USP39: variants seen among roughly 807,000 people sequenced by gnomAD.
The protein encoded by USP39 is ubiquitin specific peptidase 39.
Under a neutral mutation model 66.4 loss-of-function variants are expected in USP39, and 38 were observed. The observed-to-expected ratio is 0.57, with a 90% CI of 0.44 to 0.75. The LOEUF is 0.75. Among genes scored for constraint, USP39 ranks in the 30% least tolerant of loss-of-function variants. The pLI is 0.00. For missense variants in USP39, 608 were observed against 714.4 expected (o/e 0.85, Z 1.70); for synonymous variants, 303 against 274.6 (o/e 1.10, Z -1.02).
At chr2:85,621,624 C>CT (rs35865728) in intron 3 of USP39, 45 bp downstream of exon 3, 11,872 of 1,097,384 alleles carry the variant, frequency 0.011, no homozygotes, top group Non-Finnish European at 0.013. Context: ...TCCAGAGGGA[C>CT]TTTTTTTTTT....
chr2:85,603,973 T>A (rs1673115783), intron 1 of USP39, among the ~76,000 whole-genome samples: 1 of 152,138 alleles, frequency 6.6e-6, no homozygotes, highest in African/African-American at 2.4e-5. Flanking sequence ...TCAAAGGCGG[T>A]CCCAGCATCT....
intron 5 of USP39, among the ~76,000 whole-genome samples, chr2:85,629,718 A>C (rs1294671690): frequency 6.7e-6 from 1 of 148,188 alleles, no homozygotes; most frequent in Non-Finnish European, 1.5e-5. Context: ...GCTGGTCTTG[A>C]ACTCCTGACC....
chr2:85,609,536 T>G (rs778385123), upstream of USP39: 1 of 1,614,196 alleles, frequency 6.2e-7, no homozygotes, highest in East Asian at 2.2e-5. Context: ...CCACTACTGC[T>G]GCTTTCACCG....
chr2:85,611,943 C>A, upstream of USP39: 2 of 1,581,730 alleles, frequency 1.3e-6, no homozygotes, highest in Non-Finnish European at 1.7e-6. Context: ...GCCCCCCAGG[C>A]TTGCAGCAGT....
At chr2:85,618,112 G>C (rs1674138916) in intron 1 of USP39, among the ~76,000 whole-genome samples, 2 of 151,994 alleles carry the variant, frequency 1.3e-5, no homozygotes. Flanking sequence ...ATGCCACCAT[G>C]CCCGGCTAAT....
chr2:85,603,143 G>C (rs1260768980), intron 1 of USP39: 2 of 152,344 alleles, frequency 1.3e-5, no homozygotes, highest in South Asian at 2.1e-4. Flanking sequence ...CCAGGGCTGC[G>C]GTGGGTCCAG....
At chr2:85,647,788 T>G (rs1676760628) in intron 11 of USP39, 142 bp from the exon 12 acceptor site, 1 of 637,258 alleles carries the variant, frequency 1.6e-6, no homozygotes, top group African/African-American at 1.8e-5. Flanking sequence ...GAAGAAGTCA[T>G]GTACCCTCTT....
chr2:85,641,810 A>G (rs1676248205), intron 10 of USP39, among the ~76,000 whole-genome samples: 1 of 150,858 alleles, frequency 6.6e-6, no homozygotes, highest in African/African-American at 2.4e-5. Context: ...GGGCTGAGGC[A>G]GGAGGATGGC....
intron 3 of USP39, among the ~76,000 whole-genome samples, chr2:85,622,040 G>A (rs1485052353): frequency 5.3e-5 from 8 of 151,916 alleles, no homozygotes; most frequent in Admixed American, 6.6e-5. Flanking sequence ...GGTTGGTCTT[G>A]AACTCCTGGC....
chr2:85,611,234 T>G (rs1673499524), upstream of USP39: 1 of 1,325,292 alleles, frequency 7.5e-7, no homozygotes, highest in South Asian at 1.8e-5. Context: ...TTAAAAAAAG[T>G]AATAATGCTT....
At chr2:85,634,767 T>A (rs534674128) in intron 6 of USP39, among the ~76,000 whole-genome samples, 9 of 152,282 alleles carry the variant, frequency 5.9e-5, no homozygotes, top group African/African-American at 1.9e-4. Flanking sequence ...GAAATTTGTG[T>A]TGAGAATGAT....
intron 1 of USP39, among the ~76,000 whole-genome samples, chr2:85,618,137 G>T (rs1206517772): frequency 1.3e-5 from 2 of 151,970 alleles, no homozygotes; most frequent in Non-Finnish European, 1.5e-5. Context: ...GTATTTTTTA[G>T]TAGAGATGGG....
Position 85,625,544 on chromosome 2 carries a change from G to T in USP39, c.576G>T (p.Val192=), listed in dbSNP as rs2304564. 6.2e-7 allele frequency: 1 copy of T among 1,613,784 alleles called. No individual in the cohort carries two copies. Among genetic ancestry groups the T allele is most frequent in the Non-Finnish European group, 8.5e-7 (1 of 1,179,820 alleles). The stretch of plus-strand genomic sequence containing the variant: ...CATTTTCTTTTGCTTTGCAGTATGT[G>T]TTGAAGCCCACTTTCACAAAGCAGC... ...IDSSLEDITY[V]LKPTFTKQQI... is the part of the protein sequence containing the mutation. Residue 192 remains valine (V), a synonymous_variant, in exon 5 of 13, where the codon GTG becomes GTT. Coordinates refer to ENST00000323701, the MANE Select transcript of USP39 (RefSeq NM_006590.4).
rs184362302 is a variant in USP39, at chr2:85,648,087, G to A, written c.1650+71G>A. 10 of 1,526,716 alleles carry A rather than the reference G, an allele frequency of 6.6e-6. No individual in the cohort carries two copies. The East Asian group carries it at 2.0e-4, about 31-fold the overall frequency. The allele number at this position is 1,526,716 out of a possible 1,614,324, so 94.6% of individuals were successfully genotyped here. On this transcript the variant is annotated intron_variant, in intron 12 of 12. Transcript: ENST00000323701. ...GGGCCAGTGAGAGGAGTGGGCCAAGGCAGGAAGAGGGATAGAGTTAGGACC... is the reference window on the plus strand; with the variant it reads ...GGGCCAGTGAGAGGAGTGGGCCAAGACAGGAAGAGGGATAGAGTTAGGACC...
At position 85,616,457 on chromosome 2, in the gene USP39, G is replaced by T; in HGVS notation, c.262G>T (p.Val88Leu). 14 of 1,545,072 alleles carry T rather than the reference G, an allele frequency of 9.1e-6. No homozygotes were observed. The highest frequency in any genetic ancestry group is 1.4e-5 in the African/African-American group (1 of 71,750). Residue 88 changes from valine (V) to leucine (L), a missense_variant, in exon 1 of 13, where the codon GTG becomes TTG. By Grantham distance (32) the Val-to-Leu change is conservative (BLOSUM62 1). Transcript: ENST00000323701. The stretch of plus-strand genomic sequence containing the variant: ...TGAGGACTCGGAGCCTGAGCGGGAG[G>T]TGCGAGGTGCGCGGGGCCGGGCCGG... Reference protein sequence around the residue: ...VDEDSEPEREVRAKNGRVDSE... With the variant: ...VDEDSEPERELRAKNGRVDSE...
intron 2 of USP39, among the ~76,000 whole-genome samples, chr2:85,620,346 G>T (rs1043943719): frequency 6.6e-6 from 1 of 151,860 alleles, no homozygotes. Flanking sequence ...AGGTGTGGTG[G>T]TGCACTCCTG....
At chr2:85,623,042 A>C (rs897072975) in intron 3 of USP39, among the ~76,000 whole-genome samples, 1 of 152,196 alleles carries the variant, frequency 6.6e-6, no homozygotes, top group African/African-American at 2.4e-5. Flanking sequence ...GCAAAAATCA[A>C]TGTTAGCTGG....
intron 11 of USP39, among the ~76,000 whole-genome samples, chr2:85,646,880 T>C (rs976388501): frequency 6.7e-6 from 1 of 148,894 alleles, no homozygotes; most frequent in African/African-American, 2.5e-5. Flanking sequence ...TGATGACCTG[T>C]TGCTTTTTTT....
chr2:85,623,815 T>C, intron 4 of USP39, 33 bp downstream of exon 4: 3 of 1,590,060 alleles, frequency 1.9e-6, no homozygotes, highest in Non-Finnish European at 2.6e-6. Flanking sequence ...TTGGGGTCCA[T>C]TCTTTAATGA....
Sources: allele counts gnomAD v4.1 joint callset (sites outside exome capture counted in the v4.1 genomes callset), GRCh38; gene constraint gnomAD v4.1.1; transcripts MANE v1.5; gene names NCBI Gene and HGNC (gene_info 2026-07-23, HGNC 2026-07-21).